The following ADRA1B variants were observed in gnomAD, a reference collection of about 807,000 sequenced individuals.
The protein encoded by ADRA1B is adrenoceptor alpha 1B.
Under a neutral mutation model 17.9 loss-of-function variants are expected in ADRA1B, and 17 were observed. The ratio of observed to expected loss-of-function variants is 0.95; its 90% CI spans 0.65 to 1.42. ADRA1B has a LOEUF of 1.42. Ranked by LOEUF, ADRA1B falls within the 40% of genes most tolerant of loss-of-function variation. ADRA1B has a pLI of 0.00. For missense variants in ADRA1B, 681 were observed against 722.1 expected (o/e 0.94, Z 0.65); for synonymous variants, 366 against 327.6 (o/e 1.12, Z -1.27).
chr5:159,955,254 C>T, intron 1 of ADRA1B: 2 of 938,168 alleles, frequency 2.1e-6, no homozygotes, highest in South Asian at 9.8e-5. Context: ...CCATATGTGG[C>T]CTCCTCAGGG....
rs533182713 is a variant in ADRA1B at position 159,967,186 on chromosome 5, A to T, written c.950-4693A>T. Among the ~76,000 whole-genome samples the T allele has an allele frequency of 1.3e-4, 20 of 152,350 alleles. No homozygotes were observed. The East Asian group carries it at 1.3e-3, about 10-fold the overall frequency. ...CATGTATTACTTTTGAAATAAAAAAAATATACAAATCTGGAGGGGAAAAGA... is the reference window on the plus strand; with the variant it reads ...CATGTATTACTTTTGAAATAAAAAATATATACAAATCTGGAGGGGAAAAGA... On this transcript the variant is annotated intron_variant, in intron 1 of 1. Transcript: ENST00000306675.
At chr5:159,965,728 C>A (rs1402869563) in intron 1 of ADRA1B, among the ~76,000 whole-genome samples, 2 of 152,192 alleles carry the variant, frequency 1.3e-5, no homozygotes, top group Non-Finnish European at 2.9e-5. Context: ...GCGGTCCAGT[C>A]CCTGACCCAC....
At chr5:159,969,315 G>C (rs951296280) in intron 1 of ADRA1B, among the ~76,000 whole-genome samples, 19 of 152,186 alleles carry the variant, frequency 1.2e-4, no homozygotes, top group Non-Finnish European at 7.3e-5. Context: ...TTGCCCCCCA[G>C]CAGCCACTAC....
At chr5:159,878,219 G>A (rs1382491655) in intron 1 of ADRA1B, among the ~76,000 whole-genome samples, 1 of 152,174 alleles carries the variant, frequency 6.6e-6, no homozygotes, top group African/African-American at 2.4e-5. Context: ...TGTTACCTAG[G>A]CTATGTCAGG....
intron 1 of ADRA1B, among the ~76,000 whole-genome samples, chr5:159,881,810 C>G (rs1753866070): frequency 6.6e-6 from 1 of 152,084 alleles, no homozygotes; most frequent in Non-Finnish European, 1.5e-5. Context: ...AGTATACTAT[C>G]CTAGGATTTC....
At chr5:159,939,270 AGAGAGAGAGTGTGT>A (rs1332723708) in intron 1 of ADRA1B, among the ~76,000 whole-genome samples, 9 of 76,160 alleles carry the variant, frequency 1.2e-4, no homozygotes, top group South Asian at 8.4e-4. Flanking sequence ...AGAGAGAGAG[AGAGAGAGAGTGTGT>A]GTGTGTGTGT....
At chr5:159,927,349 A>C (rs1221055121) in intron 1 of ADRA1B, among the ~76,000 whole-genome samples, 4 of 151,320 alleles carry the variant, frequency 2.6e-5, no homozygotes, top group African/African-American at 9.7e-5. Flanking sequence ...AAGGTATTGA[A>C]AAGGGAATAA....
intron 1 of ADRA1B, among the ~76,000 whole-genome samples, chr5:159,970,280 T>G (rs1005709339): frequency 1.3e-5 from 2 of 152,222 alleles, no homozygotes; most frequent in Non-Finnish European, 2.9e-5. Context: ...TTAATTTGAA[T>G]GTGTTTTTCC....
intron 1 of ADRA1B, among the ~76,000 whole-genome samples, chr5:159,939,310 T>TGC (rs1755051677): frequency 2.2e-5 from 3 of 136,662 alleles, no homozygotes; most frequent in Admixed American, 2.2e-4. Context: ...TGTGTGTGTG[T>TGC]GTGTGTGTGT....
intron 1 of ADRA1B, among the ~76,000 whole-genome samples, chr5:159,892,752 G>A (rs933685704): frequency 9.2e-5 from 14 of 152,134 alleles, no homozygotes; most frequent in African/African-American, 3.1e-4. Flanking sequence ...CATTTAGGTT[G>A]GTTCCACATC....
At position 159,972,275 on chromosome 5, in the gene ADRA1B, C is replaced by T. The variant is rs1438704215; in HGVS notation, c.1346C>T (p.Ala449Val). 1.5e-6 allele frequency: 2 copies of T among 1,363,266 alleles called. No homozygotes were observed. The highest frequency in any genetic ancestry group is 1.9e-6 in the Non-Finnish European group (2 of 1,060,846). 84.4% of individuals were successfully genotyped at this position (1,363,266 alleles called of 1,614,324 possible). A position where few individuals can be genotyped will look rare whatever the true frequency, so the allele number is the denominator to read the frequency against. ...CTGTGCGCCTTCCCCGAGTGGAAGG[C>T]GCCCGGCGCCCTCCTGAGCCTGCCC... Reference protein sequence around the residue: ...VELCAFPEWKAPGALLSLPAP... With the variant: ...VELCAFPEWKVPGALLSLPAP... Residue 449 changes from alanine (A) to valine (V), a missense_variant, in exon 2 of 2, where the codon GCG becomes GTG. Around this residue, in one of 3 missense-constraint regions of ADRA1B, gnomAD observed 251 missense variants for 224.9 expected, o/e 1.12. Coordinates refer to ENST00000306675, the MANE Select transcript of ADRA1B (RefSeq NM_000679.4).
chr5:159,899,231 G>A (rs987718351), intron 1 of ADRA1B, among the ~76,000 whole-genome samples: 4 of 143,462 alleles, frequency 2.8e-5, no homozygotes, highest in Non-Finnish European at 4.5e-5. Context: ...AGGAAGGGAA[G>A]GAGGGAGGGA....
At chr5:159,885,302 T>C (rs527681179) in intron 1 of ADRA1B, among the ~76,000 whole-genome samples, 5 of 152,328 alleles carry the variant, frequency 3.3e-5, no homozygotes, top group Admixed American at 2.6e-4. Context: ...TCCTTCCTAA[T>C]AGAACCTCAA....
At chr5:159,906,748 A>C (rs1354352168) in intron 1 of ADRA1B, among the ~76,000 whole-genome samples, 1 of 152,212 alleles carries the variant, frequency 6.6e-6, no homozygotes, top group Non-Finnish European at 1.5e-5. Flanking sequence ...AAAATTCTAA[A>C]GTTTTTGAGT....
At chr5:159,878,723 T>C (rs1651989672) in intron 1 of ADRA1B, among the ~76,000 whole-genome samples, 1 of 152,068 alleles carries the variant, frequency 6.6e-6, no homozygotes, top group Admixed American at 6.6e-5. Flanking sequence ...AGGATTGGAG[T>C]CCTAGTCTGC....
rs190758510 is a variant in ADRA1B, at chr5:159,895,233, T to C, written c.-255-20886T>C. On this transcript the variant is annotated intron_variant, in intron 1 of 2. Transcript: ENST00000641205. Reference sequence around the variant, plus strand: ...AAGACACTACCCTTCTAGACCAAGATGGCAGCAAGGATCACATGGACCCAT... The same window carrying C: ...AAGACACTACCCTTCTAGACCAAGACGGCAGCAAGGATCACATGGACCCAT... Among the ~76,000 whole-genome samples the C allele has an allele frequency of 1.4e-4, 21 of 152,318 alleles. No individual in the cohort carries two copies. In the East Asian group the frequency reaches 4.1e-3, roughly 29 times the overall value.
At chr5:159,877,885 G>A (rs1581017143) in intron 1 of ADRA1B, among the ~76,000 whole-genome samples, 2 of 152,216 alleles carry the variant, frequency 1.3e-5, no homozygotes, top group East Asian at 3.8e-4. Context: ...TCTAGGAAGT[G>A]ATGTTTTGAT....
At chr5:159,890,767 T>C (rs1753975090) in intron 1 of ADRA1B, among the ~76,000 whole-genome samples, 1 of 152,238 alleles carries the variant, frequency 6.6e-6, no homozygotes. Flanking sequence ...CACATTCTAT[T>C]GGTCAAGGCA....
At chr5:159,946,935 G>T (rs13188197) in intron 1 of ADRA1B, among the ~76,000 whole-genome samples, 17,453 of 152,228 alleles carry the variant, frequency 0.11, 1,254 homozygotes, top group Non-Finnish European at 0.15. Flanking sequence ...AACTAATATT[G>T]ACTGAGCACT....
Sources: allele counts gnomAD v4.1 joint callset (sites outside exome capture counted in the v4.1 genomes callset), GRCh38; gene constraint gnomAD v4.1.1; regional missense constraint gnomAD v4.1.1; transcripts MANE v1.5; gene names NCBI Gene and HGNC (gene_info 2026-07-23, HGNC 2026-07-21).